The following CYTH3 variants were observed in gnomAD, a reference collection of about 807,000 sequenced individuals.
CYTH3 encodes the protein cytohesin 3.
Under a neutral mutation model 55.1 loss-of-function variants are expected in CYTH3, and 23 were observed. That is an observed-to-expected ratio of 0.42 (90% CI 0.30 to 0.59). The LOEUF is 0.59. CYTH3 is among the 20% of genes least tolerant of loss of function. The pLI, the probability that CYTH3 is intolerant of heterozygous loss-of-function variation, is 0.20. For synonymous variants in CYTH3, 249 were observed against 194.9 expected, an observed-to-expected ratio of 1.28 and a Z score of -2.31; for missense variants, 413 against 524.8, an observed-to-expected ratio of 0.79 and a Z score of 2.08.
In CYTH3 at chr7:6,186,618, C is replaced by G. The variant is rs369807181; in HGVS notation, c.249+432G>C. ...AGTCCTCTTATGTGAACCACTTAAC[C>G]CACCCAGATTATAAAGTCCGTAACC... On this transcript the variant is annotated intron_variant, in intron 4 of 12. Coordinates refer to ENST00000350796, the MANE Select transcript of CYTH3 (RefSeq NM_004227.4). 1.8e-4 allele frequency among the ~76,000 whole-genome samples: 28 copies of G among 152,286 alleles called. No homozygotes were observed. The East Asian group carries it at 3.3e-3, about 18-fold the overall frequency.
At chr7:6,262,708 A>G (rs1478944270) in intron 1 of CYTH3, among the ~76,000 whole-genome samples, 1 of 152,192 alleles carries the variant, frequency 6.6e-6, no homozygotes, top group Non-Finnish European at 1.5e-5. Flanking sequence ...TAAAAACTGC[A>G]ATAAATTAAC....
At chr7:6,251,569 C>T (rs1378004977) in intron 1 of CYTH3, among the ~76,000 whole-genome samples, 1 of 152,134 alleles carries the variant, frequency 6.6e-6, no homozygotes, top group African/African-American at 2.4e-5. Context: ...ATTCTCCGCC[C>T]TTAAATTTGT....
chr7:6,163,106 G>C lies in CYTH3; in HGVS notation c.*1838C>G, dbSNP rs914124284. 6.5e-6 allele frequency: 1 copy of C among 152,688 alleles called. No individual in the cohort carries two copies. The highest frequency in any genetic ancestry group is 2.4e-5 in the African/African-American group (1 of 41,470). The allele number at this position is 152,688 out of a possible 1,614,324, so 9.5% of individuals were successfully genotyped here. ...TATCAGTAACAAAGCCTAAGAACGT[G>C]GGAATGAAAGTCTGATGCAGGACAG... On this transcript the variant is annotated 3_prime_UTR_variant, in exon 13 of 13. Coordinates refer to ENST00000350796, the MANE Select transcript of CYTH3 (RefSeq NM_004227.4).
chr7:6,216,116 A>C (rs7796718), intron 1 of CYTH3, among the ~76,000 whole-genome samples: 228 of 152,338 alleles, frequency 1.5e-3, no homozygotes, highest in African/African-American at 5.3e-3. Context: ...ATAACAAAAG[A>C]AACAGTAAAA....
chr7:6,230,500 C>T (rs937264669), intron 1 of CYTH3, among the ~76,000 whole-genome samples: 3 of 152,160 alleles, frequency 2.0e-5, no homozygotes, highest in African/African-American at 7.2e-5. Context: ...TATTAGCCAC[C>T]AGACTTAAAA....
intron 4 of CYTH3, among the ~76,000 whole-genome samples, chr7:6,183,089 G>A (rs1583754063): frequency 6.6e-6 from 1 of 152,236 alleles, no homozygotes; most frequent in African/African-American, 2.4e-5. Flanking sequence ...CACCGAGGAC[G>A]CTGCCTGTTT....
At chr7:6,168,185 C>G (rs937068315) in intron 9 of CYTH3, among the ~76,000 whole-genome samples, 6 of 150,504 alleles carry the variant, frequency 4.0e-5, no homozygotes, top group Non-Finnish European at 7.4e-5. Context: ...CACACACTTT[C>G]TGTATGGCAG....
chr7:6,206,023 T>TA (rs909207032), intron 1 of CYTH3, among the ~76,000 whole-genome samples: 170 of 145,542 alleles, frequency 1.2e-3, no homozygotes, highest in African/African-American at 4.2e-3. Flanking sequence ...ATTATTAAAA[T>TA]AAAATCAAGT....
chr7:6,190,316 T>C, intron 2 of CYTH3, 133 bp downstream of exon 2: 1 of 839,326 alleles, frequency 1.2e-6, no homozygotes, highest in Non-Finnish European at 1.8e-6. Flanking sequence ...ACACTAAACA[T>C]CTTTTTTTTT....
intron 5 of CYTH3, among the ~76,000 whole-genome samples, chr7:6,175,541 T>C (rs1014147113): frequency 4.8e-5 from 7 of 145,458 alleles, no homozygotes; most frequent in African/African-American, 1.8e-4. Context: ...CTATACACTT[T>C]AGTCTTTTTT....
chr7:6,205,119 C>T (rs1784154570), intron 1 of CYTH3, among the ~76,000 whole-genome samples: 1 of 152,088 alleles, frequency 6.6e-6, no homozygotes, highest in African/African-American at 2.4e-5. Flanking sequence ...GAGCCATGAT[C>T]ATGCCACTGC....
intron 1 of CYTH3, among the ~76,000 whole-genome samples, chr7:6,250,024 C>G (rs545852942): frequency 6.6e-6 from 1 of 152,326 alleles, no homozygotes; most frequent in South Asian, 2.1e-4. Flanking sequence ...TGCCCCCCAT[C>G]CCAGTCTCTT....
At chr7:6,184,703 C>T (rs748838624) in intron 4 of CYTH3, among the ~76,000 whole-genome samples, 12 of 152,120 alleles carry the variant, frequency 7.9e-5, no homozygotes, top group African/African-American at 2.2e-4. Context: ...CTCAGCCTCC[C>T]GAGTAGCTGG....
chr7:6,188,709 G>T (rs1373882686), intron 2 of CYTH3: 1 of 152,116 alleles, frequency 6.6e-6, no homozygotes, highest in Non-Finnish European at 1.5e-5. Context: ...ACTGACCTCT[G>T]GAAGCCTCCA....
chr7:6,239,745 G>C (rs1271651986), intron 1 of CYTH3, among the ~76,000 whole-genome samples: 1 of 152,074 alleles, frequency 6.6e-6, no homozygotes, highest in Non-Finnish European at 1.5e-5. Flanking sequence ...CACTAAAGTA[G>C]AAAAGAATAC....
chr7:6,208,548 C>CT (rs11302819), intron 1 of CYTH3, among the ~76,000 whole-genome samples: 17 of 151,982 alleles, frequency 1.1e-4, no homozygotes, highest in African/African-American at 2.2e-4. Flanking sequence ...ATTTTCTTTT[C>CT]TTTTTTTTGA....
intron 1 of CYTH3, among the ~76,000 whole-genome samples, chr7:6,225,432 C>T (rs1475963482): frequency 6.6e-6 from 1 of 150,576 alleles, no homozygotes; most frequent in Non-Finnish European, 1.5e-5. Context: ...CGGCTCACCA[C>T]AACCTCTACC....
chr7:6,244,991 T>TTTTTTG (rs1779770388), intron 1 of CYTH3, among the ~76,000 whole-genome samples: 1 of 125,354 alleles, frequency 8.0e-6, no homozygotes, highest in Non-Finnish European at 1.6e-5. Context: ...TTTTTTTTTT[T>TTTTTTG]TTGTATTTTT....
chr7:6,202,308 G>T lies in CYTH3; in HGVS notation c.35-11777C>A, dbSNP rs34123833. 9.2e-3 allele frequency among the ~76,000 whole-genome samples: 1,395 copies of T among 152,284 alleles called. 14 individuals carry two copies. The highest frequency in any genetic ancestry group is 0.031 in the South Asian group (151 of 4,820). On this transcript the variant is annotated intron_variant, in intron 1 of 12. Coordinates refer to ENST00000350796, the MANE Select transcript of CYTH3 (RefSeq NM_004227.4). ...CAGCACCTCAGCCAAGGCCCCAGAC[G>T]AACGCGTAAGTGAAGTCATCTGGGA...
Sources: allele counts gnomAD v4.1 joint callset (sites outside exome capture counted in the v4.1 genomes callset), GRCh38; gene constraint gnomAD v4.1.1; transcripts MANE v1.5; gene names NCBI Gene and HGNC (gene_info 2026-07-23, HGNC 2026-07-21).